CTSC: variants seen among roughly 807,000 people sequenced by gnomAD.
CTSC encodes the protein dipeptidyl peptidase 1.
A neutral mutation model predicts 40.9 loss-of-function variants in CTSC; 37 were observed. The ratio of observed to expected loss-of-function variants is 0.91; its 90% CI spans 0.70 to 1.19. The LOEUF (loss-of-function observed/expected upper bound fraction) is 1.19, where lower values mean the gene tolerates loss of function less well. Ranked by LOEUF, CTSC falls within the 50% of genes most tolerant of loss-of-function variation. The pLI is 0.00. For missense variants in CTSC, 594 were observed against 567.3 expected (o/e 1.05, Z -0.48); for synonymous variants, 232 against 207.4 (o/e 1.12, Z -1.02).
intron 2 of CTSC, chr11:88,321,052 C>T: frequency 1.0e-6 from 1 of 984,706 alleles, no homozygotes; most frequent in Non-Finnish European, 1.2e-6. Flanking sequence ...ATCTTCTCTT[C>T]CATAATAAAA....
At chr11:88,314,711 A>G (rs1366472104) in intron 2 of CTSC, among the ~76,000 whole-genome samples, 3 of 152,088 alleles carry the variant, frequency 2.0e-5, no homozygotes, top group African/African-American at 7.2e-5. Flanking sequence ...TATTTTTAGT[A>G]GAGATAGGGT....
At chr11:88,301,538 A>C (rs1030907277) in intron 4 of CTSC, among the ~76,000 whole-genome samples, 3 of 152,066 alleles carry the variant, frequency 2.0e-5, no homozygotes, top group Admixed American at 2.0e-4. Flanking sequence ...GTTTTGTCCA[A>C]TTCTTTGTTC....
At chr11:88,312,337 A>C in intron 3 of CTSC, 51 bp downstream of exon 3, 1 of 1,566,022 alleles carries the variant, frequency 6.4e-7, no homozygotes, top group Non-Finnish European at 8.8e-7. Flanking sequence ...ACACATATTC[A>C]TATATACTAT....
At chr11:88,332,180 T>C (rs1349474572) in intron 2 of CTSC, among the ~76,000 whole-genome samples, 1 of 152,232 alleles carries the variant, frequency 6.6e-6, no homozygotes, top group African/African-American at 2.4e-5. Flanking sequence ...ATTTCTGTAA[T>C]GGCAGTAGGT....
At chr11:88,330,572 C>CTCCT (rs1938322829) in intron 2 of CTSC, among the ~76,000 whole-genome samples, 1 of 151,960 alleles carries the variant, frequency 6.6e-6, no homozygotes, top group Non-Finnish European at 1.5e-5. Context: ...TGGTCTCGAA[C>CTCCT]GCCTGACCTC....
chr11:88,308,535 G>A (rs1231688031), intron 4 of CTSC, among the ~76,000 whole-genome samples: 1 of 147,892 alleles, frequency 6.8e-6, no homozygotes, highest in Non-Finnish European at 1.5e-5. Flanking sequence ...ATTTTTGCAT[G>A]TCTGACACCC....
rs187277827 is a variant in CTSC, at chr11:88,324,326, T to C, written c.318+10611A>G. 3.6e-5 allele frequency: 34 copies of C among 945,318 alleles called. No individual in the cohort carries two copies. The Admixed American group carries it at 6.8e-4, about 19-fold the overall frequency. 58.6% of individuals were successfully genotyped at this position (945,318 alleles called of 1,614,324 possible). On this transcript the variant is annotated intron_variant, in intron 2 of 6. Coordinates refer to ENST00000227266, the MANE Select transcript of CTSC (RefSeq NM_001814.6). ...CCTAGAAGAAAATCTAGGAATGCCA[T>C]TGAATATATTTTTTACATATCAGTT...
intron 2 of CTSC, chr11:88,324,250 A>T: frequency 2.5e-6 from 1 of 399,266 alleles, no homozygotes; most frequent in Non-Finnish European, 3.4e-6. Flanking sequence ...TACAAAAATT[A>T]ACTCAAGATG....
At chr11:88,317,713 C>T (rs1457080505) in intron 2 of CTSC, among the ~76,000 whole-genome samples, 1 of 152,192 alleles carries the variant, frequency 6.6e-6, no homozygotes, top group African/African-American at 2.4e-5. Flanking sequence ...ACCCCGCTAT[C>T]CAGCTTGAAA....
At position 88,294,222 on chromosome 11, in the gene CTSC, A is replaced by C; in HGVS notation, c.1176T>G (p.Gly392=). The part of the protein sequence containing the change: ...HYKKGIYHHT[G]LRDPFNPFEL... ...CAAAGGGGTTGAAAGGGTCTCTTAG[A>C]CCAGTGTGGTGGTAGATCCCCTTTT... The change falls in exon 7 of 7, where the codon GGT becomes GGG. Residue 392 remains glycine, a synonymous_variant. Coordinates refer to ENST00000227266, the MANE Select transcript of CTSC (RefSeq NM_001814.6). 2 of 1,613,970 alleles carry C rather than the reference A, an allele frequency of 1.2e-6. No individual in the cohort carries two copies. Among genetic ancestry groups the C allele is most frequent in the Non-Finnish European group, 8.5e-7 (1 of 1,180,004 alleles).
rs1414419898 is a variant in CTSC at position 88,297,283 on chromosome 11, A to T, written c.758-1019T>A. 5.5e-4 allele frequency: 84 copies of T among 152,376 alleles called. 1 individual carries two copies. Among genetic ancestry groups the T allele is most frequent in the Admixed American group, 5.5e-3 (84 of 15,296 alleles). The allele number at this position is 152,376 out of a possible 1,614,324, so 9.4% of individuals were successfully genotyped here. On this transcript the variant is annotated intron_variant, in intron 5 of 6. Coordinates refer to ENST00000227266, the MANE Select transcript of CTSC (RefSeq NM_001814.6). ...ATACTATCCATAGGACCCATCCTTC[A>T]AATGACGGAATGTCAAAGAACATTG...
intron 2 of CTSC, chr11:88,326,210 T>C: frequency 1.4e-6 from 2 of 1,399,588 alleles, no homozygotes; most frequent in Non-Finnish European, 1.9e-6. Context: ...AAATGATGTT[T>C]ACTGTTTTCC....
At position 88,335,070 on chromosome 11, in the gene CTSC, T is replaced by A. The variant is rs764799244; in HGVS notation, c.185A>T (p.Lys62Ile). 6.8e-6 allele frequency: 11 copies of A among 1,609,416 alleles called. No individual in the cohort carries two copies. In the South Asian group the frequency reaches 1.2e-4, roughly 18 times the overall value. ...VNCSVMGPQE[K>I]KVVVYLQKLD... ...CTTCTGAAGGTACACCACTACTTTT[T>A]TTTCTTGTGGTCCTAAAGAAAAAAA... Residue 62 changes from lysine (K) to isoleucine (I), a missense_variant, in exon 2 of 7, where the codon AAA becomes ATA. Physicochemically the swap from Lys to Ile is moderately radical, Grantham distance 102. Transcript: ENST00000227266.
At chr11:88,326,487 TA>T (rs747989242) in intron 2 of CTSC, 1 of 1,234,558 alleles carries the variant, frequency 8.1e-7, no homozygotes, top group Non-Finnish European at 1.2e-6. Context: ...ACAAGGATCA[TA>T]TTGTCTCTTA....
chr11:88,295,526 C>CA (rs1565250196), intron 6 of CTSC, among the ~76,000 whole-genome samples: 1 of 151,950 alleles, frequency 6.6e-6, no homozygotes, highest in Non-Finnish European at 1.5e-5. Flanking sequence ...ACTACAAGCA[C>CA]ACACCACCAC....
At chr11:88,308,009 T>G (rs1033670723) in intron 4 of CTSC, among the ~76,000 whole-genome samples, 1 of 152,140 alleles carries the variant, frequency 6.6e-6, no homozygotes, top group African/African-American at 2.4e-5. Context: ...AGGATGAAAC[T>G]AGAAGCATTT....
intron 4 of CTSC, among the ~76,000 whole-genome samples, chr11:88,306,099 G>T (rs992519954): frequency 6.6e-6 from 1 of 152,134 alleles, no homozygotes; most frequent in Non-Finnish European, 1.5e-5. Flanking sequence ...ATTAACTAGA[G>T]CATTTCACAG....
intron 2 of CTSC, chr11:88,325,068 T>A: frequency 1.0e-6 from 1 of 982,588 alleles, no homozygotes; most frequent in Non-Finnish European, 1.2e-6. Context: ...AACCCCATAA[T>A]TTCAGGCTTA....
At chr11:88,304,546 A>G (rs1445884989) in intron 4 of CTSC, among the ~76,000 whole-genome samples, 1 of 152,210 alleles carries the variant, frequency 6.6e-6, no homozygotes, top group Non-Finnish European at 1.5e-5. Context: ...TTTGACCCAG[A>G]GCAACTCCAT....
Sources: gnomAD v4.1 joint callset for allele counts (sites outside exome capture counted in the v4.1 genomes callset) on GRCh38, gnomAD v4.1.1 for gene constraint, MANE v1.5 for transcripts, NCBI Gene and HGNC (gene_info 2026-07-23, HGNC 2026-07-21) for gene names.